PLS1: variants seen among roughly 807,000 people sequenced by gnomAD.
PLS1 encodes the protein plastin 1.
Under a neutral mutation model 73.7 loss-of-function variants are expected in PLS1, and 32 were observed. The observed-to-expected ratio is 0.43, with a 90% CI of 0.33 to 0.58. PLS1 has a LOEUF of 0.58. PLS1 is among the 20% of genes least tolerant of loss of function. PLS1 has a pLI of 0.04. For synonymous variants in PLS1, 217 were observed against 261.3 expected (o/e 0.83, Z 1.63); for missense variants, 633 against 740.5 (o/e 0.85, Z 1.68).
chr3:142,657,927 CCT>C (rs1200492721), intron 1 of PLS1, among the ~76,000 whole-genome samples: 1 of 152,006 alleles, frequency 6.6e-6, no homozygotes, highest in Non-Finnish European at 1.5e-5. Flanking sequence ...TAAAATTTCC[CCT>C]GTTCAAAAAC....
intron 14 of PLS1, among the ~76,000 whole-genome samples, chr3:142,708,455 C>T (rs555182572): frequency 6.6e-6 from 1 of 152,248 alleles, no homozygotes; most frequent in South Asian, 2.1e-4. Flanking sequence ...ACCGTGTTAG[C>T]CAGGATGGTC....
chr3:142,711,381 CGTTAG>C, intron 14 of PLS1, 115 bp from the exon 15 acceptor site: 1 of 634,812 alleles, frequency 1.6e-6, no homozygotes, highest in Non-Finnish European at 2.7e-6. Context: ...AAAAGCTGAA[CGTTAG>C]GTTAAGTACA....
intron 1 of PLS1, among the ~76,000 whole-genome samples, chr3:142,599,650 T>G (rs554271876): frequency 3.0e-4 from 45 of 152,240 alleles, no homozygotes; most frequent in African/African-American, 1.0e-3. Context: ...ACTAAGCTAG[T>G]TAGTGGGATA....
intron 13 of PLS1, 44 bp downstream of exon 13, chr3:142,704,045 A>T (rs56352138): frequency 5.1e-5 from 80 of 1,580,000 alleles, no homozygotes; most frequent in Non-Finnish European, 5.7e-5. Flanking sequence ...GTTTCCTCCA[A>T]CAAGTAATCT....
chr3:142,689,238 A>G (rs1310368599), intron 9 of PLS1, among the ~76,000 whole-genome samples: 1 of 152,104 alleles, frequency 6.6e-6, no homozygotes, highest in East Asian at 1.9e-4. Flanking sequence ...AGCCTGGCCA[A>G]CATGGCAAAA....
chr3:142,600,916 ATTTTTTTTTT>A (rs1170933037), intron 1 of PLS1, among the ~76,000 whole-genome samples: 3 of 14,844 alleles, frequency 2.0e-4, no homozygotes, highest in Admixed American at 1.4e-3. Flanking sequence ...ATATATATAT[ATTTTTTTTTT>A]TTTTTTTTTT....
At chr3:142,614,487 C>T (rs375771388) in intron 1 of PLS1, among the ~76,000 whole-genome samples, 4 of 152,316 alleles carry the variant, frequency 2.6e-5, no homozygotes, top group East Asian at 1.9e-4. Flanking sequence ...TGTTACCATA[C>T]AGGAATGTGG....
intron 1 of PLS1, among the ~76,000 whole-genome samples, chr3:142,659,726 T>G (rs1354521378): frequency 2.6e-5 from 4 of 151,812 alleles, no homozygotes; most frequent in African/African-American, 9.7e-5. Flanking sequence ...GATGGAGTTT[T>G]GCTCTTGTTG....
intron 1 of PLS1, among the ~76,000 whole-genome samples, chr3:142,614,105 C>T (rs1161475928): frequency 1.3e-5 from 2 of 152,174 alleles, no homozygotes; most frequent in African/African-American, 2.4e-5. Flanking sequence ...CCATCTCTCT[C>T]CTCACCCTCT....
chr3:142,713,169 C>T lies in PLS1; in HGVS notation c.*1162C>T, dbSNP rs1003471701. 6.6e-6 allele frequency: 1 copy of T among 152,600 alleles called. No homozygotes were observed. Among genetic ancestry groups the T allele is most frequent in the African/African-American group, 2.4e-5 (1 of 41,454 alleles). The allele number at this position is 152,600 out of a possible 1,614,324, so 9.5% of individuals were successfully genotyped here. ...TGTTTGTATTACTTGGAAATCGCTA[C>T]AGCTTGGACTATTTTTTTCTAAATT... is the stretch of plus-strand genomic sequence containing the variant. On this transcript the variant is annotated 3_prime_UTR_variant, in exon 16 of 16. Coordinates refer to ENST00000457734, the MANE Select transcript of PLS1 (RefSeq NM_001145319.2).
intron 8 of PLS1, among the ~76,000 whole-genome samples, chr3:142,684,910 T>C (rs1324159703): frequency 6.6e-6 from 1 of 152,310 alleles, no homozygotes; most frequent in Non-Finnish European, 1.5e-5. Context: ...AAGGAAACTA[T>C]AACAGGCATT....
chr3:142,680,210 T>C (rs990549773), intron 6 of PLS1, among the ~76,000 whole-genome samples: 8 of 152,212 alleles, frequency 5.3e-5, no homozygotes, highest in African/African-American at 1.7e-4. Flanking sequence ...GCTATAAGCA[T>C]GTACCACTAT....
chr3:142,618,301 T>A (rs552733307), intron 1 of PLS1, among the ~76,000 whole-genome samples: 1 of 152,294 alleles, frequency 6.6e-6, no homozygotes, highest in South Asian at 2.1e-4. Context: ...ATAGCTGTTC[T>A]CTCGTGGACA....
intron 14 of PLS1, among the ~76,000 whole-genome samples, chr3:142,709,831 AATT>A (rs1933037491): frequency 6.6e-6 from 1 of 151,500 alleles, no homozygotes; most frequent in South Asian, 2.1e-4. Context: ...AAAAAAAAAA[AATT>A]AATAAATGAA....
chr3:142,706,631 G>C (rs66813358), intron 14 of PLS1, among the ~76,000 whole-genome samples: 35,176 of 151,984 alleles, frequency 0.23, 5,085 homozygotes, highest in African/African-American at 0.42. Flanking sequence ...GATGGGGAGG[G>C]AGAATAGTGT....
chr3:142,685,960 G>A (rs1011265417), intron 8 of PLS1, among the ~76,000 whole-genome samples: 1 of 152,182 alleles, frequency 6.6e-6, no homozygotes, highest in South Asian at 2.1e-4. Context: ...AGAATCCAGG[G>A]AAGGCATACG....
chr3:142,632,790 G>T (rs1021604470), intron 1 of PLS1, among the ~76,000 whole-genome samples: 1 of 151,996 alleles, frequency 6.6e-6, no homozygotes, highest in Non-Finnish European at 1.5e-5. Flanking sequence ...GTAGAAATGG[G>T]GTTTTACCAT....
chr3:142,682,504 A>C (rs1030766462), intron 6 of PLS1, among the ~76,000 whole-genome samples: 11 of 152,276 alleles, frequency 7.2e-5, no homozygotes, highest in Middle Eastern at 6.8e-3. Flanking sequence ...TAGTATTGCA[A>C]TCAATTTAGC....
rs10631186 is a variant in PLS1 at position 142,704,635 on chromosome 3, ATTTTTTTTTTTTTTTT to A, written c.1629+64_1629+79del. 329 of 261,994 alleles carry A rather than the reference ATTTTTTTTTTTTTTTT, an allele frequency of 1.3e-3. 3 individuals are homozygous for A. The highest frequency in any genetic ancestry group is 0.011 in the South Asian group (262 of 24,634). 16.2% of individuals were successfully genotyped at this position (261,994 alleles called of 1,614,324 possible). ...TTTTTTTTTGTAGGTATAGGAAGGAATTTTTTTTTTTTTTTTTTTTTTTTTTTTTTGGAGATGGAGT... is the reference window on the plus strand; with the variant it reads ...TTTTTTTTTGTAGGTATAGGAAGGAATTTTTTTTTTTTTTGGAGATGGAGT... On this transcript the variant is annotated intron_variant, in intron 14 of 15. Transcript: ENST00000457734.
Sources: gnomAD v4.1 joint callset for allele counts (sites outside exome capture counted in the v4.1 genomes callset) on GRCh38, gnomAD v4.1.1 for gene constraint, MANE v1.5 for transcripts, NCBI Gene and HGNC (gene_info 2026-07-23, HGNC 2026-07-21) for gene names.